Variants in DLGAP4 observed in about 807,000 individuals in gnomAD.
DLGAP4 encodes disks large-associated protein 4.
A neutral mutation model predicts 86.9 loss-of-function variants in DLGAP4; 18 were observed. The ratio of observed to expected loss-of-function variants is 0.21; its 90% CI spans 0.14 to 0.31. The LOEUF (loss-of-function observed/expected upper bound fraction) is 0.31, where lower values mean the gene tolerates loss of function less well. Ranked by LOEUF, DLGAP4 falls within the 10% of genes least tolerant of loss-of-function variation. The pLI is 1.00. For synonymous variants in DLGAP4, 548 were observed against 574.3 expected (o/e 0.95, Z 0.65); for missense variants, 1,085 against 1,362.6 (o/e 0.80, Z 3.21).
chr20:36,527,269 T>C lies in DLGAP4; in HGVS notation c.*238T>C, dbSNP rs903650409. 3 of 428,360 alleles carry C rather than the reference T, an allele frequency of 7.0e-6. No individual in the cohort carries two copies. The highest frequency in any genetic ancestry group is 4.1e-6 in the Non-Finnish European group (1 of 241,408). The allele number at this position is 428,360 out of a possible 1,614,324, so 26.5% of individuals were successfully genotyped here. Reference sequence around the variant, plus strand: ...CAAAAATCACGAAACTAGAAAACTTTTTTTTTCCTCTTGCTGGCCGTGGTG... The same window carrying C: ...CAAAAATCACGAAACTAGAAAACTTCTTTTTTCCTCTTGCTGGCCGTGGTG... On this transcript the variant is annotated 3_prime_UTR_variant, in exon 13 of 13. Coordinates refer to ENST00000339266, the MANE Select transcript of DLGAP4 (RefSeq NM_001365621.2).
At chr20:36,515,157 A>G (rs1011661419) in intron 10 of DLGAP4, among the ~76,000 whole-genome samples, 1 of 152,128 alleles carries the variant, frequency 6.6e-6, no homozygotes, top group Non-Finnish European at 1.5e-5. Flanking sequence ...TCTGTATCAC[A>G]CCACTTTCTA....
chr20:36,468,824 G>A (rs1656303418), intron 7 of DLGAP4, among the ~76,000 whole-genome samples: 1 of 152,212 alleles, frequency 6.6e-6, no homozygotes, highest in African/African-American at 2.4e-5. Flanking sequence ...TTGGACTTTG[G>A]AACAGTGGAC....
intron 6 of DLGAP4, among the ~76,000 whole-genome samples, chr20:36,444,227 G>A (rs1009126614): frequency 2.6e-5 from 4 of 152,176 alleles, no homozygotes; most frequent in Non-Finnish European, 5.9e-5. Flanking sequence ...CTGTAATGAT[G>A]GAAATGTTCT....
chr20:36,439,144 C>T (rs1352199037), intron 4 of DLGAP4, among the ~76,000 whole-genome samples: 1 of 152,174 alleles, frequency 6.6e-6, no homozygotes, highest in Non-Finnish European at 1.5e-5. Flanking sequence ...GGCCACTGTG[C>T]CTGACCTGAT....
At chr20:36,422,683 G>A (rs1015155143) in intron 2 of DLGAP4, among the ~76,000 whole-genome samples, 1 of 152,178 alleles carries the variant, frequency 6.6e-6, no homozygotes, top group Non-Finnish European at 1.5e-5. Flanking sequence ...CTGGCACCAC[G>A]ATGAGATGAG....
chr20:36,369,712 A>G (rs1240011375), intron 2 of DLGAP4, among the ~76,000 whole-genome samples: 1 of 152,246 alleles, frequency 6.6e-6, no homozygotes. Flanking sequence ...TGGTGGTTAC[A>G]TGACTATTTC....
intron 7 of DLGAP4, among the ~76,000 whole-genome samples, chr20:36,481,601 C>G (rs908463031): frequency 6.6e-6 from 1 of 152,194 alleles, no homozygotes; most frequent in Non-Finnish European, 1.5e-5. Context: ...ATTGTCATCT[C>G]CACATTTCTA....
intron 7 of DLGAP4, among the ~76,000 whole-genome samples, chr20:36,490,016 AC>A (rs1046375495): frequency 6.6e-6 from 1 of 150,550 alleles, no homozygotes. Context: ...ACACCACCAC[AC>A]CCGGCTATTT....
At chr20:36,324,902 C>T (rs1274131121) in intron 1 of DLGAP4, among the ~76,000 whole-genome samples, 2 of 152,048 alleles carry the variant, frequency 1.3e-5, no homozygotes, top group Non-Finnish European at 2.9e-5. Flanking sequence ...TTTTGAAGGA[C>T]AGCTTTTGGT....
chr20:36,442,092 G>C (rs1055403642), intron 5 of DLGAP4, among the ~76,000 whole-genome samples: 2 of 152,190 alleles, frequency 1.3e-5, no homozygotes, highest in Non-Finnish European at 2.9e-5. Flanking sequence ...GCAGGCTCTG[G>C]GCTCCATCCC....
rs1159616185 is a variant in DLGAP4, at chr20:36,525,216, CAAAAAAAA to C, written c.2605-604_2605-597del. Reference sequence around the variant, plus strand: ...TGGGTGACAGAGCGAGACTCCGTCTCAAAAAAAAAAAAAAAAAAAAAAAAAAAAAAAAA... The same window carrying C: ...TGGGTGACAGAGCGAGACTCCGTCTCAAAAAAAAAAAAAAAAAAAAAAAAA... On this transcript the variant is annotated intron_variant, in intron 11 of 12. Transcript: ENST00000339266. Among the ~76,000 whole-genome samples, 256 of 28,498 alleles carry C rather than the reference CAAAAAAAA, an allele frequency of 9.0e-3. 11 individuals are homozygous for C. Among genetic ancestry groups the C allele is most frequent in the African/African-American group, 0.025 (241 of 9,746 alleles). The allele number at this position is 28,498 out of a possible 152,430, so 18.7% of individuals were successfully genotyped here. A position where few individuals can be genotyped will look rare whatever the true frequency, so the allele number is the denominator to read the frequency against.
intron 1 of DLGAP4, among the ~76,000 whole-genome samples, chr20:36,355,294 CTTTCT>C (rs1393211401): frequency 2.0e-5 from 3 of 148,700 alleles, no homozygotes; most frequent in African/African-American, 7.5e-5. Flanking sequence ...TTCTTTCTTT[CTTTCT>C]TTTTTTTTTT....
intron 3 of DLGAP4, among the ~76,000 whole-genome samples, chr20:36,434,419 G>C (rs2033213904): frequency 6.6e-6 from 1 of 152,178 alleles, no homozygotes; most frequent in Admixed American, 6.5e-5. Flanking sequence ...TGCTTCCTTG[G>C]TTTAGAAGCA....
At chr20:36,497,397 C>T in intron 8 of DLGAP4, 1 of 1,161,564 alleles carries the variant, frequency 8.6e-7, no homozygotes, top group African/African-American at 1.6e-5. Flanking sequence ...CTTTGCCCTG[C>T]CAGCTGACCC....
At chr20:36,448,061 G>A (rs1400442925) in intron 7 of DLGAP4, among the ~76,000 whole-genome samples, 9 of 147,700 alleles carry the variant, frequency 6.1e-5, no homozygotes, top group African/African-American at 7.4e-5. Context: ...AAAAAAAGAC[G>A]TAATAGAAAA....
At chr20:36,375,456 AC>A (rs1172274127) in intron 2 of DLGAP4, among the ~76,000 whole-genome samples, 2 of 152,168 alleles carry the variant, frequency 1.3e-5, no homozygotes, top group Non-Finnish European at 2.9e-5. Context: ...CACTCCACAG[AC>A]ATTTATCAGT....
chr20:36,507,197 G>T (rs745630396), intron 10 of DLGAP4, among the ~76,000 whole-genome samples: 3 of 151,818 alleles, frequency 2.0e-5, no homozygotes. Flanking sequence ...GCCCTGACTT[G>T]TGGGCACAAA....
chr20:36,323,950 C>T (rs1466824436), intron 1 of DLGAP4, among the ~76,000 whole-genome samples: 13 of 152,356 alleles, frequency 8.5e-5, no homozygotes, highest in African/African-American at 3.1e-4. Context: ...AGGCCACAGA[C>T]TGGTACAGGT....
intron 4 of DLGAP4, among the ~76,000 whole-genome samples, chr20:36,437,806 T>C (rs1432201854): frequency 6.6e-6 from 1 of 152,158 alleles, no homozygotes; most frequent in African/African-American, 2.4e-5. Flanking sequence ...GCCAGGAGTC[T>C]AGTTGACTGG....
Sources: allele counts gnomAD v4.1 joint callset (sites outside exome capture counted in the v4.1 genomes callset), GRCh38; gene constraint gnomAD v4.1.1; transcripts MANE v1.5; gene names NCBI Gene and HGNC (gene_info 2026-07-23, HGNC 2026-07-21).